The following CREB3L3 variants were observed in gnomAD, a reference collection of about 807,000 sequenced individuals.
CREB3L3 encodes the protein cyclic AMP-responsive element-binding protein 3-like protein 3.
In CREB3L3, 40 loss-of-function variants were observed where a neutral mutation model predicts 44.6. That is an observed-to-expected ratio of 0.90 (90% CI 0.70 to 1.17). The LOEUF (loss-of-function observed/expected upper bound fraction) is 1.17, where lower values mean the gene tolerates loss of function less well. CREB3L3 is among the 50% of genes most tolerant of loss of function. The pLI is 0.00. For synonymous variants in CREB3L3, 273 were observed against 256.3 expected (o/e 1.06, Z -0.62); for missense variants, 578 against 595.8 (o/e 0.97, Z 0.31).
At chr19:4,168,189 G>A (rs1309259982) in intron 5 of CREB3L3, among the ~76,000 whole-genome samples, 162 bp from the exon 6 acceptor site, 1 of 151,820 alleles carries the variant, frequency 6.6e-6, no homozygotes, top group African/African-American at 2.4e-5. Context: ...AGTAGAGACG[G>A]TGTTTCACCA....
rs921764140 is a variant in CREB3L3, at chr19:4,170,930, T to C, written c.891-161T>C. ...GTCTCAAAATAAATAAATAAATAAATAAACAAATAAATAAATAAATAAAAT... is the reference window on the plus strand; with the variant it reads ...GTCTCAAAATAAATAAATAAATAAACAAACAAATAAATAAATAAATAAAAT... On this transcript the variant is annotated intron_variant, in intron 7 of 9. Transcript: ENST00000078445. Among the ~76,000 whole-genome samples the C allele has an allele frequency of 3.3e-5, 5 of 151,384 alleles. No homozygotes were observed. In the East Asian group the frequency reaches 5.8e-4, roughly 18 times the overall value.
Position 4,164,541 on chromosome 19 carries a change from T to G in CREB3L3, c.615T>G (p.Pro205=), listed in dbSNP as rs779727925. The G allele has an allele frequency of 6.2e-7, 1 of 1,614,068 alleles. No homozygotes were observed. Among genetic ancestry groups the G allele is most frequent in the East Asian group, 2.2e-5 (1 of 44,878 alleles). Residue 205 remains proline (P), a synonymous_variant, in exon 5 of 10, where the codon CCT becomes CCG. Coordinates refer to ENST00000078445, the MANE Select transcript of CREB3L3 (RefSeq NM_032607.3). ...HHLGASYLLR[P]GAGHCQELVL... The stretch of plus-strand genomic sequence containing the variant: ...TGGGGGCCTCCTACCTCCTGCGACC[T>G]GGGGCTGGGCACTGTCAGGAGCTGG...
At chr19:4,167,371 A>G (rs565987393) in intron 5 of CREB3L3, among the ~76,000 whole-genome samples, 1 of 150,388 alleles carries the variant, frequency 6.6e-6, no homozygotes, top group African/African-American at 2.4e-5. Context: ...AGAGAGAGAG[A>G]GAGAAAAGGA....
chr19:4,155,366 T>TC (rs1248828053), intron 2 of CREB3L3, among the ~76,000 whole-genome samples: 2 of 146,808 alleles, frequency 1.4e-5, no homozygotes, highest in East Asian at 2.0e-4. Context: ...TTCTTCTTCT[T>TC]TTTTTTTTTT....
chr19:4,168,808 TG>T lies in CREB3L3; in HGVS notation c.821+352del, dbSNP rs575602291. 3.3e-5 allele frequency among the ~76,000 whole-genome samples: 5 copies of T among 152,228 alleles called. No homozygotes were observed. The East Asian group carries it at 9.7e-4, about 30-fold the overall frequency. Reference sequence around the variant, plus strand: ...GTGCAGTGGTGCGATCTTGGCTCACTGCAACCTCCACCTCCCGGGTTCAAGC... The same window carrying T: ...GTGCAGTGGTGCGATCTTGGCTCACTCAACCTCCACCTCCCGGGTTCAAGC... On this transcript the variant is annotated intron_variant, in intron 6 of 9. Transcript: ENST00000078445.
Position 4,171,231 on chromosome 19 carries a change from A to G in CREB3L3, c.975+56A>G. 1 of 1,528,672 alleles carries G rather than the reference A, an allele frequency of 6.5e-7. No homozygotes were observed. The highest frequency in any genetic ancestry group is 9.1e-7 in the Non-Finnish European group (1 of 1,102,546). The allele number at this position is 1,528,672 out of a possible 1,614,324, so 94.7% of individuals were successfully genotyped here. A position where few individuals can be genotyped will look rare whatever the true frequency, so the allele number is the denominator to read the frequency against. ...GACCTAGGCTTCTGTAGAGGGGCCC[A>G]TAGGGAGGTGACAATGAGTCCAAGC... is the stretch of plus-strand genomic sequence containing the variant. On this transcript the variant is annotated intron_variant, in intron 8 of 9. Transcript: ENST00000078445. The surrounding 1 kb of genome is among the most constrained non-coding windows in gnomAD (Gnocchi z 4.9).
chr19:4,171,822 T>G lies in CREB3L3; in HGVS notation c.1239T>G (p.Asn413Lys), dbSNP rs2145146367. 1.2e-6 allele frequency: 2 copies of G among 1,613,590 alleles called. No homozygotes were observed. Among genetic ancestry groups the G allele is most frequent in the Non-Finnish European group, 1.7e-6 (2 of 1,180,002 alleles). Reference protein sequence around the residue: ...WGFQDTANLTNSTEELDNATL... With the variant: ...WGFQDTANLTKSTEELDNATL... ...TCCAGGACACCGCGAACCTGACCAATTCGACGGAGGAGCTGGACAACGCCA... is the reference window on the plus strand; with the variant it reads ...TCCAGGACACCGCGAACCTGACCAAGTCGACGGAGGAGCTGGACAACGCCA... Residue 413 changes from asparagine (N) to lysine (K), a missense_variant, in exon 10 of 10, where the codon AAT becomes AAG. Transcript: ENST00000078445. The surrounding 1 kb of genome is among the most constrained non-coding windows in gnomAD (Gnocchi z 4.9).
rs571293564 is a variant in CREB3L3, at chr19:4,163,647, G to A, written c.577-856G>A. 5.9e-5 allele frequency among the ~76,000 whole-genome samples: 9 copies of A among 152,072 alleles called. No individual in the cohort carries two copies. The East Asian group carries it at 1.7e-3, about 29-fold the overall frequency. On this transcript the variant is annotated intron_variant, in intron 4 of 9. Coordinates refer to ENST00000078445, the MANE Select transcript of CREB3L3 (RefSeq NM_032607.3). ...TCTGCCTCAGCCTCCCGAGTAGCTG[G>A]GATTGCAGGCACGTGCCACCACACC...
intron 6 of CREB3L3, among the ~76,000 whole-genome samples, chr19:4,169,562 T>C (rs1966996266): frequency 6.7e-6 from 1 of 148,818 alleles, no homozygotes; most frequent in Non-Finnish European, 1.5e-5. Context: ...GAAACATCAC[T>C]GCCTGAATCT....
intron 7 of CREB3L3, among the ~76,000 whole-genome samples, chr19:4,170,472 C>A (rs990830386): frequency 6.6e-6 from 1 of 151,242 alleles, no homozygotes; most frequent in Non-Finnish European, 1.5e-5. Context: ...ATTAGCCAGG[C>A]GTGGTGGCGG....
In CREB3L3 at chr19:4,171,402, C is replaced by A. The variant is rs1414423445; in HGVS notation, c.995C>A (p.Ala332Asp). 1.1e-5 allele frequency: 17 copies of A among 1,614,036 alleles called. No homozygotes were observed. Among genetic ancestry groups the A allele is most frequent in the Non-Finnish European group, 1.3e-5 (15 of 1,179,980 alleles). Residue 332 changes from alanine (A) to aspartate (D), a missense_variant, in exon 9 of 10, where the codon GCC becomes GAC. Ala to Asp is a moderately radical substitution (Grantham distance 126, BLOSUM62 -2). Transcript: ENST00000078445. This position sits in a 1 kb window ranked among gnomAD's most constrained non-coding sequence, Gnocchi z 4.9. ...CACCAGGTCCTGTTGCTGTCCTTTG[C>A]CCTCATCATCCTCCCCTCCATCAGC... The part of the protein sequence containing the change: ...TCVAVLLLSF[A>D]LIILPSISPF...
rs1290919065 is a variant in CREB3L3 at position 4,159,636 on chromosome 19, T to C, written c.458-28T>C. ...GACTCCCCCCGTCTGACACTCTCCC[T>C]GTCTCCGTCCCCACCTGCCCTGGTC... On this transcript the variant is annotated intron_variant, in intron 3 of 9. Transcript: ENST00000078445. 4.8e-6 allele frequency: 5 copies of C among 1,043,300 alleles called. No individual in the cohort carries two copies. In the Admixed American group the frequency reaches 5.1e-5, roughly 11 times the overall value. 64.6% of individuals were successfully genotyped at this position (1,043,300 alleles called of 1,614,324 possible). A position where few individuals can be genotyped will look rare whatever the true frequency, so the allele number is the denominator to read the frequency against.
intron 2 of CREB3L3, among the ~76,000 whole-genome samples, chr19:4,155,418 G>A (rs1055986484): frequency 4.7e-5 from 7 of 150,172 alleles, no homozygotes; most frequent in Non-Finnish European, 1.0e-4. Flanking sequence ...GAGTGCAGTG[G>A]TGCCATCTCG....
chr19:4,163,660 G>A (rs1043934979), intron 4 of CREB3L3, among the ~76,000 whole-genome samples: 16 of 146,012 alleles, frequency 1.1e-4, no homozygotes, highest in Admixed American at 8.9e-4. Context: ...TTGCAGGCAC[G>A]TGCCACCACA....
intron 2 of CREB3L3, among the ~76,000 whole-genome samples, chr19:4,156,506 CT>C (rs1019504419): frequency 1.5e-3 from 184 of 121,678 alleles, no homozygotes; most frequent in Middle Eastern, 0.011. Flanking sequence ...TTCTTTTTTT[CT>C]TTTTTTTTTT....
chr19:4,161,558 C>G (rs1258831976), intron 4 of CREB3L3, among the ~76,000 whole-genome samples: 1 of 152,168 alleles, frequency 6.6e-6, no homozygotes, highest in Non-Finnish European at 1.5e-5. Flanking sequence ...CAATTGAAGG[C>G]CATCTACCCT....
chr19:4,157,372 C>A, intron 3 of CREB3L3, 77 bp downstream of exon 3: 1 of 1,519,114 alleles, frequency 6.6e-7, no homozygotes, highest in Non-Finnish European at 9.1e-7. Flanking sequence ...AATGGAGGCC[C>A]AGAGAGGGCT....
In CREB3L3 at chr19:4,167,360, G is replaced by A. The variant is rs376264217; in HGVS notation, c.715-991G>A. Among the ~76,000 whole-genome samples, 145 of 60,230 alleles carry A rather than the reference G, an allele frequency of 2.4e-3. 1 individual carries two copies. The highest frequency in any genetic ancestry group is 8.8e-3 in the Middle Eastern group (1 of 114). 39.5% of individuals were successfully genotyped at this position (60,230 alleles called of 152,430 possible). A position where few individuals can be genotyped will look rare whatever the true frequency, so the allele number is the denominator to read the frequency against. ...CAAGAAAGAAAGAAAGAAAGAGAGAGAGAGAGAGAGAGAGAAAAGGAAGGA... is the reference window on the plus strand; with the variant it reads ...CAAGAAAGAAAGAAAGAAAGAGAGAAAGAGAGAGAGAGAGAAAAGGAAGGA... On this transcript the variant is annotated intron_variant, in intron 5 of 9. Transcript: ENST00000078445.
rs776187420 is a variant in CREB3L3, at chr19:4,159,679, GAGGA to G, written c.478_481del (p.Arg160SerfsTer20). 1.3e-6 allele frequency: 2 copies of G among 1,558,034 alleles called. No individual in the cohort carries two copies. The highest frequency in any genetic ancestry group is 1.7e-5 in the Admixed American group (1 of 59,952). ...CCCTGGTCAGAAATGTGGAGCCCAG[GAGGA>G]AGGATCTGTGCTGAGAAGCCGGCTG... On this transcript the variant is annotated frameshift_variant, in exon 4 of 10. Coordinates refer to ENST00000078445, the MANE Select transcript of CREB3L3 (RefSeq NM_032607.3). LOFTEE classifies it high-confidence loss of function.
Sources: gnomAD v4.1 joint callset for allele counts (sites outside exome capture counted in the v4.1 genomes callset) on GRCh38, gnomAD v4.1.1 for gene constraint, Gnocchi (gnomAD v3.1) non-coding constraint, MANE v1.5 for transcripts, NCBI Gene and HGNC (gene_info 2026-07-23, HGNC 2026-07-21) for gene names.